TSC2: variants seen among roughly 807,000 people sequenced by gnomAD.
TSC2 encodes TSC complex subunit 2.
A neutral mutation model predicts 202.2 loss-of-function variants in TSC2; 29 were observed. That is an observed-to-expected ratio of 0.14 (90% CI 0.11 to 0.20). The LOEUF (loss-of-function observed/expected upper bound fraction) is 0.20. Ranked by LOEUF, TSC2 falls within the 10% of genes least tolerant of loss-of-function variation. TSC2 has a pLI of 1.00. For missense variants in TSC2, 2,429 were observed against 2,420.0 expected (o/e 1.00, Z -0.08); for synonymous variants, 1,349 against 1,044.0 (o/e 1.29, Z -5.63).
intron 3 of TSC2, among the ~76,000 whole-genome samples, chr16:2,051,388 C>T (rs1347392565): frequency 6.6e-6 from 1 of 151,710 alleles, no homozygotes; most frequent in Non-Finnish European, 1.5e-5. Flanking sequence ...TCTCCTGTTA[C>T]AAGTTCAGGC....
At chr16:2,058,698 C>T (rs772365270) in intron 9 of TSC2, 49 bp from the exon 10 acceptor site, 3 of 1,553,666 alleles carry the variant, frequency 1.9e-6, no homozygotes, top group Admixed American at 1.9e-5. Context: ...ATGGCGGACC[C>T]TGGGACAGGG....
rs569861397 is a variant in TSC2, at chr16:2,088,893, A to C, written c.*283A>C. The C allele has an allele frequency of 2.1e-4, 92 of 445,728 alleles. 1 individual carries two copies. The South Asian group carries it at 2.1e-3, about 10-fold the overall frequency. The allele number at this position is 445,728 out of a possible 1,614,324, so 27.6% of individuals were successfully genotyped here. A position where few individuals can be genotyped will look rare whatever the true frequency, so the allele number is the denominator to read the frequency against. ...CGCGTGCGCGCGCGCACACACACAC[A>C]CACACAGTCACCTTCCTCCACCCTG... is the stretch of plus-strand genomic sequence containing the variant. On this transcript the variant is annotated 3_prime_UTR_variant, in exon 42 of 42. Transcript: ENST00000219476.
At chr16:2,062,852 G>A (rs926175789) in intron 13 of TSC2, 120 bp from the exon 14 acceptor site, 1 of 1,151,498 alleles carries the variant, frequency 8.7e-7, no homozygotes, top group Non-Finnish European at 1.3e-6. Context: ...AGAGCTCTGT[G>A]CCCTGTGTGC....
At chr16:2,081,940 G>C (rs747863080) in intron 31 of TSC2, 142 bp downstream of exon 31, 9 of 1,225,222 alleles carry the variant, frequency 7.3e-6, no homozygotes, top group East Asian at 2.5e-5. Flanking sequence ...ATTGTTCTCC[G>C]GTGTTTGGGA....
intron 12 of TSC2, 134 bp from the exon 13 acceptor site, chr16:2,062,363 G>A: frequency 2.4e-6 from 2 of 850,052 alleles, no homozygotes. Context: ...GAGTGCCTTT[G>A]TGTCTGGGCT....
In TSC2 at chr16:2,088,666, A is replaced by C; in HGVS notation, c.*56A>C. 4 of 1,553,182 alleles carry C rather than the reference A, an allele frequency of 2.6e-6. No individual in the cohort carries two copies. ...GGACGGTATTGCCTGTCAGTGAAAT[A>C]AATAAAGTCCTGACCCCAGTGCACA... On this transcript the variant is annotated 3_prime_UTR_variant, in exon 42 of 42. Transcript: ENST00000219476.
rs113017403 is a variant in TSC2 at position 2,048,019 on chromosome 16, C to T, written c.-76C>T. The T allele has an allele frequency of 7.6e-6, 11 of 1,454,736 alleles. No individual in the cohort carries two copies. In the African/African-American group the frequency reaches 8.8e-5, roughly 12 times the overall value. 90.1% of individuals were successfully genotyped at this position (1,454,736 alleles called of 1,614,324 possible). A position where few individuals can be genotyped will look rare whatever the true frequency, so the allele number is the denominator to read the frequency against. ...GGCGTCCCGGGGCCAGGGGGGTGCG[C>T]CTTTCTCCGCGTCGGGGCGGCCCGG... On this transcript the variant is annotated 5_prime_UTR_variant, in exon 1 of 42. Transcript: ENST00000219476.
intron 5 of TSC2, chr16:2,054,728 A>C (rs1343280052): frequency 3.9e-6 from 2 of 506,746 alleles, no homozygotes; most frequent in Non-Finnish European, 7.2e-6. Context: ...GAGTTCTGTC[A>C]CTGGGAGGTG....
In TSC2 at chr16:2,071,555, C is replaced by G. The variant is rs570409651; in HGVS notation, c.1885C>G (p.Leu629Val). 3 of 1,613,486 alleles carry G rather than the reference C, an allele frequency of 1.9e-6. No homozygotes were observed. The highest frequency in any genetic ancestry group is 2.5e-6 in the Non-Finnish European group (3 of 1,180,046). ...LLLRADSLHR[L>V]GLPNKDGVVR... Reference sequence around the variant, plus strand: ...GCTGCGGGCCGACTCACTGCACCGCCTGGGCCTGCCCAACAAGGATGGAGT... The same window carrying G: ...GCTGCGGGCCGACTCACTGCACCGCGTGGGCCTGCCCAACAAGGATGGAGT... Residue 629 changes from leucine to valine, a missense_variant, in exon 18 of 42, where the codon CTG (leucine) becomes GTG (valine). Physicochemically the swap from Leu to Val is conservative, Grantham distance 32. Coordinates refer to ENST00000219476, the MANE Select transcript of TSC2 (RefSeq NM_000548.5).
At chr16:2,056,341 G>A in intron 7 of TSC2, 97 bp downstream of exon 7, 2 of 1,528,866 alleles carry the variant, frequency 1.3e-6, no homozygotes, top group South Asian at 1.1e-5. Flanking sequence ...TGCTGGCTGT[G>A]TAGCCCTGGG....
rs2151493215 is a variant in TSC2 at position 2,082,477 on chromosome 16, C to T, written c.3856C>T (p.Gln1286Ter). 6.2e-7 allele frequency: 1 copy of T among 1,612,370 alleles called. No homozygotes were observed. Among genetic ancestry groups the T allele is most frequent in the Non-Finnish European group, 8.5e-7 (1 of 1,180,006 alleles). Reference sequence around the variant, plus strand: ...CCTGTACCAGTCCAGCTGCCAAGGACAGCTGCACAGGAGCGTTTCCTGGGC... The same window carrying T: ...CCTGTACCAGTCCAGCTGCCAAGGATAGCTGCACAGGAGCGTTTCCTGGGC... ...SSLYQSSCQG[Q>*]LHRSVSWADS... is the part of the protein sequence containing the mutation. The change falls in exon 32 of 42, where the codon CAG (glutamine) becomes TAG (stop). Residue 1286 changes from glutamine to a stop codon, truncating the protein, a stop_gained. Coordinates refer to ENST00000219476, the MANE Select transcript of TSC2 (RefSeq NM_000548.5). LOFTEE classifies it high-confidence loss of function.
chr16:2,075,740 G>C, intron 22 of TSC2, 59 bp from the exon 23 acceptor site: 2 of 1,568,438 alleles, frequency 1.3e-6, no homozygotes. Flanking sequence ...AGCCGTGTTG[G>C]CCTTCAGAGG....
At chr16:2,085,420 C>T (rs2090654164) in intron 36 of TSC2, 98 bp downstream of exon 36, 4 of 1,299,392 alleles carry the variant, frequency 3.1e-6, no homozygotes, top group Non-Finnish European at 4.4e-6. Context: ...CCACAGAGCT[C>T]AACACTGCCG....
intron 16 of TSC2, among the ~76,000 whole-genome samples, chr16:2,069,843 A>G (rs575663509): frequency 2.5e-4 from 38 of 150,818 alleles, no homozygotes; most frequent in Admixed American, 4.6e-4. Flanking sequence ...TTGAACTCCT[A>G]ACTTCGTGAT....
intron 3 of TSC2, among the ~76,000 whole-genome samples, chr16:2,051,483 C>A (rs116516060): frequency 5.9e-5 from 9 of 152,064 alleles, no homozygotes; most frequent in African/African-American, 1.9e-4. Context: ...GGTGACTGGT[C>A]GGTGGTATTG....
chr16:2,080,468 TG>T (rs2089993068), intron 30 of TSC2, 91 bp downstream of exon 30: 7 of 1,447,252 alleles, frequency 4.8e-6, no homozygotes, highest in Non-Finnish European at 6.6e-6. Flanking sequence ...TTGGCCCTCT[TG>T]GGATATTTGG....
chr16:2,054,542 T>C, intron 5 of TSC2, 102 bp downstream of exon 5: 1 of 1,562,186 alleles, frequency 6.4e-7, no homozygotes, highest in Non-Finnish European at 8.7e-7. Flanking sequence ...TTCTCAGGGA[T>C]GGCCTGCAGC....
chr16:2,089,266 A>G lies in TSC2; in HGVS notation c.*656A>G, dbSNP rs969550464. On this transcript the variant is annotated 3_prime_UTR_variant, in exon 42 of 42. Coordinates refer to ENST00000219476, the MANE Select transcript of TSC2 (RefSeq NM_000548.5). ...GACATACAAAAATATACACATTTTA[A>G]CACCATATAAATTACTGACACGAGA... 5.1e-6 allele frequency: 1 copy of G among 194,804 alleles called. No individual in the cohort carries two copies. 12.1% of individuals were successfully genotyped at this position (194,804 alleles called of 1,614,324 possible).
intron 5 of TSC2, chr16:2,055,178 A>G (rs1157879557): frequency 1.6e-6 from 1 of 622,912 alleles, no homozygotes; most frequent in East Asian, 2.8e-5. Flanking sequence ...CCCTCTGTGC[A>G]GCCCCAGGGG....
Sources: allele counts gnomAD v4.1 joint callset (sites outside exome capture counted in the v4.1 genomes callset), GRCh38; gene constraint gnomAD v4.1.1; transcripts MANE v1.5; gene names NCBI Gene and HGNC (gene_info 2026-07-23, HGNC 2026-07-21).